The following MACROD2 variants were observed in gnomAD, a reference collection of about 807,000 sequenced individuals.
The protein encoded by MACROD2 is ADP-ribose glycohydrolase MACROD2.
A neutral mutation model predicts 70.4 loss-of-function variants in MACROD2; 36 were observed. That is an observed-to-expected ratio of 0.51 (90% CI 0.39 to 0.68). The LOEUF (loss-of-function observed/expected upper bound fraction) is 0.68. Ranked by LOEUF, MACROD2 falls within the 30% of genes least tolerant of loss-of-function variation. MACROD2 has a pLI of 0.00. For missense variants in MACROD2, 496 were observed against 538.4 expected (o/e 0.92, Z 0.78); for synonymous variants, 172 against 178.8 (o/e 0.96, Z 0.30).
In MACROD2 at chr20:16,041,216, C is replaced by T. The variant is rs369573171; in HGVS notation, c.1169C>T (p.Thr390Ile). ...KEGEKAPGED[T>I]PRMPGKSEGS... ...TCTCTTCCAGCTCCAGGCGAGGACA[C>T]ACCTAGGATGCCTGGGAAAAGTGAA... The change falls in exon 16 of 18, where the codon ACA (threonine) becomes ATA (isoleucine). Residue 390 changes from threonine to isoleucine, a missense_variant. Transcript: ENST00000684519. The T allele has an allele frequency of 5.6e-6, 9 of 1,611,852 alleles. No individual in the cohort carries two copies. Among genetic ancestry groups the T allele is most frequent in the Non-Finnish European group, 7.6e-6 (9 of 1,178,904 alleles).
intron 6 of MACROD2, among the ~76,000 whole-genome samples, chr20:15,409,630 A>C (rs1440429532): frequency 6.6e-6 from 1 of 152,178 alleles, no homozygotes; most frequent in South Asian, 2.1e-4. Context: ...GGATGCACTG[A>C]TAGGAAAATG....
At chr20:15,779,412 C>A (rs2147034911) in intron 8 of MACROD2, among the ~76,000 whole-genome samples, 1 of 152,160 alleles carries the variant, frequency 6.6e-6, no homozygotes, top group Non-Finnish European at 1.5e-5. Context: ...TGTGAGCTGT[C>A]CATTGAGATA....
At position 15,327,121 on chromosome 20, in the gene MACROD2, G is replaced by A. The variant is rs1275646730; in HGVS notation, c.540+97060G>A. On this transcript the variant is annotated intron_variant, in intron 6 of 17. Transcript: ENST00000684519. ...CATAAATGTTTGTATTTTTTTGCTAGGTTTGACAAAGAGTGGACACTCACG... is the reference window on the plus strand; with the variant it reads ...CATAAATGTTTGTATTTTTTTGCTAAGTTTGACAAAGAGTGGACACTCACG... Among the ~76,000 whole-genome samples the A allele has an allele frequency of 2.0e-5, 3 of 151,984 alleles. No homozygotes were observed. The East Asian group carries it at 5.8e-4, about 29-fold the overall frequency.
chr20:15,383,558 AG>A (rs1459081887), intron 6 of MACROD2, among the ~76,000 whole-genome samples: 3 of 152,194 alleles, frequency 2.0e-5, no homozygotes, highest in Non-Finnish European at 4.4e-5. Context: ...AATGTTATTA[AG>A]GGACATAGTG....
At chr20:14,049,898 A>G (rs1311275030) in intron 2 of MACROD2, among the ~76,000 whole-genome samples, 1 of 152,042 alleles carries the variant, frequency 6.6e-6, no homozygotes, top group Non-Finnish European at 1.5e-5. Flanking sequence ...AGCCTGGCCA[A>G]CACTGCAAAA....
At chr20:15,350,532 G>C (rs1409725969) in intron 6 of MACROD2, among the ~76,000 whole-genome samples, 1 of 149,518 alleles carries the variant, frequency 6.7e-6, no homozygotes, top group East Asian at 1.9e-4. Context: ...TGTTTACTCA[G>C]ATAGGGAATT....
At chr20:15,715,971 C>T (rs1568990191) in intron 8 of MACROD2, among the ~76,000 whole-genome samples, 2 of 152,126 alleles carry the variant, frequency 1.3e-5, no homozygotes, top group East Asian at 3.9e-4. Context: ...TTTAAAAGTA[C>T]TACCCCTTCA....
intron 5 of MACROD2, among the ~76,000 whole-genome samples, chr20:15,136,170 C>G (rs1208862772): frequency 6.7e-6 from 1 of 150,090 alleles, no homozygotes; most frequent in African/African-American, 2.5e-5. Flanking sequence ...CCATCCCCAT[C>G]AAGCTACCAA....
chr20:14,670,645 T>G (rs2070784335), intron 4 of MACROD2, among the ~76,000 whole-genome samples: 1 of 152,182 alleles, frequency 6.6e-6, no homozygotes, highest in African/African-American at 2.4e-5. Flanking sequence ...GGCATCAGGC[T>G]TCAAGTTACA....
chr20:15,917,806 A>G (rs2065341464), intron 10 of MACROD2, among the ~76,000 whole-genome samples: 3 of 152,114 alleles, frequency 2.0e-5, no homozygotes, highest in African/African-American at 4.8e-5. Flanking sequence ...AAGAAAATGT[A>G]TTAACATGTA....
At chr20:14,969,679 C>T (rs2074672824) in intron 5 of MACROD2, among the ~76,000 whole-genome samples, 1 of 146,492 alleles carries the variant, frequency 6.8e-6, no homozygotes, top group Non-Finnish European at 1.5e-5. Context: ...AGGACTTGGC[C>T]TGGTAAAAGC....
intron 12 of MACROD2, among the ~76,000 whole-genome samples, chr20:15,955,912 T>C (rs2065970570): frequency 6.6e-6 from 1 of 152,166 alleles, no homozygotes; most frequent in East Asian, 1.9e-4. Flanking sequence ...TATGTTTACC[T>C]ATGTAACAAA....
chr20:14,186,491 A>G (rs1306360384), intron 3 of MACROD2, among the ~76,000 whole-genome samples: 1 of 152,226 alleles, frequency 6.6e-6, no homozygotes, highest in African/African-American at 2.4e-5. Context: ...GAACACTTAT[A>G]TACTGTTGAT....
chr20:14,725,042 G>T (rs1407606109), intron 5 of MACROD2, among the ~76,000 whole-genome samples: 1 of 152,110 alleles, frequency 6.6e-6, no homozygotes, highest in Non-Finnish European at 1.5e-5. Flanking sequence ...TATGTTTTGG[G>T]GGTGAAGTCA....
In MACROD2 at chr20:14,007,453, C is replaced by T. The variant is rs543184511; in HGVS notation, c.163+5049C>T. 1.2e-4 allele frequency among the ~76,000 whole-genome samples: 19 copies of T among 152,206 alleles called. No individual in the cohort carries two copies. In the South Asian group the frequency reaches 3.9e-3, roughly 32 times the overall value. ...TAAATGAGAATGTCCCAGTGGTTAA[C>T]AGTCTACAAAGGAGGCATATACGTG... is the stretch of plus-strand genomic sequence containing the variant. On this transcript the variant is annotated intron_variant, in intron 2 of 17. Coordinates refer to ENST00000684519, the MANE Select transcript of MACROD2 (RefSeq NM_001351661.2).
chr20:14,562,418 A>G (rs928340933), intron 4 of MACROD2, among the ~76,000 whole-genome samples: 1 of 151,966 alleles, frequency 6.6e-6, no homozygotes, highest in Non-Finnish European at 1.5e-5. Context: ...TTTATTGTTT[A>G]TACATCTACC....
At chr20:14,562,851 C>G (rs375477306) in intron 4 of MACROD2, among the ~76,000 whole-genome samples, 4 of 151,708 alleles carry the variant, frequency 2.6e-5, no homozygotes, top group South Asian at 4.1e-4. Context: ...TGTTGCCTGT[C>G]GTGTTCTTGC....
At chr20:15,113,043 G>A (rs1207195591) in intron 5 of MACROD2, among the ~76,000 whole-genome samples, 1 of 150,658 alleles carries the variant, frequency 6.6e-6, no homozygotes, top group Non-Finnish European at 1.5e-5. Context: ...CACTTCAGTT[G>A]TTCCTTCTGG....
chr20:15,118,351 C>A (rs2076006908), intron 5 of MACROD2, among the ~76,000 whole-genome samples: 1 of 151,990 alleles, frequency 6.6e-6, no homozygotes, highest in Non-Finnish European at 1.5e-5. Flanking sequence ...CGCCACCACA[C>A]CCAGCTAATT....
Sources: allele counts gnomAD v4.1 joint callset (sites outside exome capture counted in the v4.1 genomes callset), GRCh38; gene constraint gnomAD v4.1.1; transcripts MANE v1.5; gene names NCBI Gene and HGNC (gene_info 2026-07-23, HGNC 2026-07-21).